The following GPC5 variants were observed in gnomAD, a reference collection of about 807,000 sequenced individuals.
GPC5 encodes the protein glypican 5, also known as glypican-5.
Under a neutral mutation model 53.9 loss-of-function variants are expected in GPC5, and 47 were observed. That is an observed-to-expected ratio of 0.87 (90% CI 0.69 to 1.11). GPC5 has a LOEUF of 1.11. Among genes scored for constraint, GPC5 ranks in the 50% most tolerant of loss-of-function variants. The pLI is 0.00. For missense variants in GPC5, 748 were observed against 713.1 expected (o/e 1.05, Z -0.56); for synonymous variants, 286 against 263.3 (o/e 1.09, Z -0.84).
rs917456517 is a variant in GPC5, at chr13:92,544,055, A to G, written c.1562-322227A>G. On this transcript the variant is annotated intron_variant, in intron 7 of 7. Transcript: ENST00000377067. ...GAAGTACCCTTGATATAGTGAATGT[A>G]TATTAAGTAACTGAAGTTCCTTGGT... 2.6e-5 allele frequency among the ~76,000 whole-genome samples: 4 copies of G among 152,178 alleles called. No individual in the cohort carries two copies. The East Asian group carries it at 5.8e-4, about 22-fold the overall frequency.
intron 7 of GPC5, among the ~76,000 whole-genome samples, chr13:92,556,683 T>G (rs1229981202): frequency 1.3e-5 from 2 of 151,780 alleles, no homozygotes; most frequent in Non-Finnish European, 2.9e-5. Flanking sequence ...ATGTAGTAAT[T>G]TTTTCCTTTT....
chr13:91,517,766 G>A (rs1422274867), intron 2 of GPC5, among the ~76,000 whole-genome samples: 2 of 152,192 alleles, frequency 1.3e-5, no homozygotes, highest in African/African-American at 4.8e-5. Context: ...CCATGGGTGG[G>A]GAGGTCCCAG....
chr13:92,626,698 C>G (rs1885057263), intron 7 of GPC5, among the ~76,000 whole-genome samples: 1 of 152,110 alleles, frequency 6.6e-6, no homozygotes, highest in South Asian at 2.1e-4. Flanking sequence ...CTTAGAAGTT[C>G]TGTCATGTAA....
intron 7 of GPC5, among the ~76,000 whole-genome samples, chr13:92,299,666 C>G (rs2043061806): frequency 6.6e-6 from 1 of 152,074 alleles, no homozygotes; most frequent in East Asian, 1.9e-4. Flanking sequence ...ATTCCTGAAG[C>G]CCCCCAAAAA....
chr13:92,500,190 G>T (rs990999016), intron 7 of GPC5, among the ~76,000 whole-genome samples: 5 of 152,086 alleles, frequency 3.3e-5, no homozygotes, highest in Admixed American at 1.3e-4. Context: ...GGAAGCTGTA[G>T]GGGTCCGTCC....
chr13:92,064,483 C>T (rs1180943051), intron 6 of GPC5, among the ~76,000 whole-genome samples: 1 of 152,096 alleles, frequency 6.6e-6, no homozygotes, highest in Non-Finnish European at 1.5e-5. Context: ...GGCGGCCTGG[C>T]GCGGTGGCTC....
intron 6 of GPC5, among the ~76,000 whole-genome samples, chr13:92,019,966 T>A (rs537023320): frequency 1.1e-4 from 16 of 152,088 alleles, no homozygotes; most frequent in Non-Finnish European, 7.4e-5. Context: ...TATGAGTATC[T>A]CTGAGCTAAA....
At chr13:92,637,300 G>A (rs569168858) in intron 7 of GPC5, among the ~76,000 whole-genome samples, 2 of 152,308 alleles carry the variant, frequency 1.3e-5, no homozygotes, top group South Asian at 4.1e-4. Context: ...AAGAGTAACA[G>A]AGATCAGAAA....
intron 2 of GPC5, among the ~76,000 whole-genome samples, chr13:91,506,277 A>G (rs1884939717): frequency 6.6e-6 from 1 of 152,152 alleles, no homozygotes; most frequent in Non-Finnish European, 1.5e-5. Flanking sequence ...AAAATAAAAC[A>G]TATATTTAAG....
At chr13:91,485,513 C>T (rs530157200) in intron 2 of GPC5, among the ~76,000 whole-genome samples, 3 of 152,290 alleles carry the variant, frequency 2.0e-5, no homozygotes, top group South Asian at 2.1e-4. Flanking sequence ...CCACTGCGCC[C>T]GGCCGGCCCT....
intron 7 of GPC5, among the ~76,000 whole-genome samples, chr13:92,371,049 T>C (rs1036223372): frequency 3.9e-5 from 6 of 152,212 alleles, no homozygotes; most frequent in Admixed American, 2.0e-4. Flanking sequence ...CTTGGGAGGC[T>C]GAGGCAGGGA....
chr13:92,719,959 G>C (rs560936135), intron 7 of GPC5: 2 of 152,084 alleles, frequency 1.3e-5, no homozygotes, highest in Non-Finnish European at 1.5e-5. Flanking sequence ...CAGACCACAG[G>C]AAGACACTGA....
At chr13:92,085,026 G>A (rs1190802252) in intron 6 of GPC5, among the ~76,000 whole-genome samples, 3 of 152,146 alleles carry the variant, frequency 2.0e-5, no homozygotes. Flanking sequence ...CATGGTGGAA[G>A]GGGCTAGGGA....
intron 2 of GPC5, among the ~76,000 whole-genome samples, chr13:91,684,935 C>T (rs968780675): frequency 3.9e-5 from 6 of 152,178 alleles, no homozygotes; most frequent in Non-Finnish European, 8.8e-5. Flanking sequence ...TAGTCAGCAA[C>T]CTTCTTTGCA....
chr13:92,652,836 C>G (rs1049131379), intron 7 of GPC5, among the ~76,000 whole-genome samples: 1 of 152,060 alleles, frequency 6.6e-6, no homozygotes, highest in Non-Finnish European at 1.5e-5. Flanking sequence ...AACTAACTTC[C>G]CTAAAAGAGT....
intron 7 of GPC5, among the ~76,000 whole-genome samples, chr13:92,181,730 G>A (rs2042148551): frequency 6.6e-6 from 1 of 152,144 alleles, no homozygotes; most frequent in South Asian, 2.1e-4. Context: ...TGATGTTTGT[G>A]TATTGTATCC....
intron 2 of GPC5, among the ~76,000 whole-genome samples, chr13:91,557,126 C>T (rs1275137294): frequency 1.3e-5 from 2 of 151,942 alleles, no homozygotes; most frequent in Non-Finnish European, 2.9e-5. Context: ...AAGAAACTAC[C>T]AAATTATTTT....
At chr13:92,113,733 T>G (rs2138931637) in intron 6 of GPC5, among the ~76,000 whole-genome samples, 1 of 152,210 alleles carries the variant, frequency 6.6e-6, no homozygotes, top group Non-Finnish European at 1.5e-5. Context: ...GCATGTCATT[T>G]TTTTTTTCAC....
chr13:91,850,632 T>A (rs1251983591), intron 5 of GPC5, among the ~76,000 whole-genome samples: 2 of 152,202 alleles, frequency 1.3e-5, no homozygotes, highest in Non-Finnish European at 2.9e-5. Flanking sequence ...CTCATCTATA[T>A]TTTATAGAAT....
Sources: gnomAD v4.1 joint callset for allele counts (sites outside exome capture counted in the v4.1 genomes callset) on GRCh38, gnomAD v4.1.1 for gene constraint, MANE v1.5 for transcripts, NCBI Gene and HGNC (gene_info 2026-07-23, HGNC 2026-07-21) for gene names.